TTC39B: variants seen among roughly 807,000 people sequenced by gnomAD.
The protein encoded by TTC39B is tetratricopeptide repeat protein 39B.
A neutral mutation model predicts 96.6 loss-of-function variants in TTC39B; 92 were observed. The ratio of observed to expected loss-of-function variants is 0.95; its 90% CI spans 0.80 to 1.13. The LOEUF is 1.13. TTC39B is among the 50% of genes most tolerant of loss of function. The pLI, the probability that TTC39B is intolerant of heterozygous loss-of-function variation, is 0.00. For missense variants in TTC39B, 955 were observed against 809.3 expected (o/e 1.18, Z -2.18); for synonymous variants, 367 against 299.4 (o/e 1.23, Z -2.33).
At chr9:15,294,546 T>C (rs558802897) in intron 1 of TTC39B, among the ~76,000 whole-genome samples, 1 of 152,280 alleles carries the variant, frequency 6.6e-6, no homozygotes, top group South Asian at 2.1e-4. Context: ...TATTAACACT[T>C]TTCAGTTTTA....
chr9:15,202,921 C>CTGTA, intron 7 of TTC39B, among the ~76,000 whole-genome samples: 1 of 152,188 alleles, frequency 6.6e-6, no homozygotes, highest in African/African-American at 2.4e-5. Context: ...AAGGTACTGA[C>CTGTA]TGTATCAGTT....
At chr9:15,210,121 G>C in exon 6 of TTC39B, 1 of 1,607,296 alleles carries the variant, frequency 6.2e-7, no homozygotes. Context: ...CCTCTAGAAA[G>C]AAGACTTGAG....
rs774983409 is a variant in TTC39B at position 15,203,808 on chromosome 9, C to G, written c.759+15G>C. The G allele has an allele frequency of 6.2e-7, 1 of 1,606,292 alleles. No homozygotes were observed. Among genetic ancestry groups the G allele is most frequent in the South Asian group, 1.1e-5 (1 of 89,580 alleles). On this transcript the variant is annotated intron_variant, in intron 7 of 19. Transcript: ENST00000512701. ...CTTCCCAGCCAATACGAATTCCAAG[C>G]CAAATATTCATTACCTGCACAAACG...
intron 1 of TTC39B, among the ~76,000 whole-genome samples, chr9:15,276,387 T>C (rs926043063): frequency 6.6e-6 from 1 of 152,160 alleles, no homozygotes; most frequent in African/African-American, 2.4e-5. Flanking sequence ...AAATTAGAGA[T>C]GCCCATAGCA....
intron 6 of TTC39B, among the ~76,000 whole-genome samples, chr9:15,205,496 GC>G (rs1819794229): frequency 6.6e-6 from 1 of 152,046 alleles, no homozygotes; most frequent in Non-Finnish European, 1.5e-5. Flanking sequence ...CACCTCTGCA[GC>G]TAAGGTCTTC....
At chr9:15,270,014 C>T (rs1000917675) in intron 1 of TTC39B, among the ~76,000 whole-genome samples, 1 of 151,784 alleles carries the variant, frequency 6.6e-6, no homozygotes, top group African/African-American at 2.4e-5. Flanking sequence ...ACTAAAAATA[C>T]AAAAATTAGC....
At chr9:15,293,134 GATACACAAATACC>G (rs1218237688) in intron 1 of TTC39B, among the ~76,000 whole-genome samples, 2 of 152,060 alleles carry the variant, frequency 1.3e-5, no homozygotes, top group African/African-American at 2.4e-5. Context: ...TCTATGTTTA[GATACACAAATACC>G]ATTGTGTTAT....
At chr9:15,274,143 T>G (rs1275429082) in intron 1 of TTC39B, among the ~76,000 whole-genome samples, 4 of 152,200 alleles carry the variant, frequency 2.6e-5, no homozygotes. Context: ...TATTAAAACT[T>G]GAATAAAGTA....
At chr9:15,218,149 A>G (rs1310752150) in intron 3 of TTC39B, among the ~76,000 whole-genome samples, 1 of 147,568 alleles carries the variant, frequency 6.8e-6, no homozygotes, top group Non-Finnish European at 1.5e-5. Flanking sequence ...CAGTCTGGCA[A>G]CAGAGCGAGA....
At chr9:15,262,755 G>A (rs1822989179) in intron 2 of TTC39B, among the ~76,000 whole-genome samples, 1 of 152,110 alleles carries the variant, frequency 6.6e-6, no homozygotes, top group African/African-American at 2.4e-5. Context: ...CTTTCATTAG[G>A]CATTCAAGAG....
intron 9 of TTC39B, among the ~76,000 whole-genome samples, chr9:15,192,182 G>T (rs1017307177): frequency 2.6e-5 from 4 of 152,144 alleles, no homozygotes; most frequent in African/African-American, 9.7e-5. Context: ...ATTGGAATTT[G>T]ACAGATTACT....
chr9:15,267,252 T>C (rs1823169337), intron 2 of TTC39B, among the ~76,000 whole-genome samples: 1 of 152,228 alleles, frequency 6.6e-6, no homozygotes, highest in South Asian at 2.1e-4. Flanking sequence ...TTATTGTTGA[T>C]TAAGCCACCC....
intron 16 of TTC39B, chr9:15,183,461 GTAC>G: frequency 4.6e-6 from 1 of 215,310 alleles, no homozygotes; most frequent in Non-Finnish European, 8.6e-6. Flanking sequence ...AAATTCCTAG[GTAC>G]AAAAAAAAAA....
chr9:15,181,177 G>A lies in TTC39B; in HGVS notation c.1723+1130C>T, dbSNP rs545278540. Among the ~76,000 whole-genome samples, 15 of 152,234 alleles carry A rather than the reference G, an allele frequency of 9.9e-5. No homozygotes were observed. In the East Asian group the frequency reaches 2.5e-3, roughly 25 times the overall value. ...AAATAGACAGTAGGCTGGGCTCCTG[G>A]AGTGCCCATCTTTTTACAGTTAACA... On this transcript the variant is annotated intron_variant, in intron 17 of 19. Transcript: ENST00000512701.
At chr9:15,247,506 CG>C in intron 2 of TTC39B, among the ~76,000 whole-genome samples, 1 of 152,234 alleles carries the variant, frequency 6.6e-6, no homozygotes, top group Admixed American at 6.5e-5. Flanking sequence ...CTGAACATGG[CG>C]GCCCTATAGG....
At chr9:15,210,603 C>G (rs906148011) in intron 5 of TTC39B, among the ~76,000 whole-genome samples, 2 of 152,146 alleles carry the variant, frequency 1.3e-5, no homozygotes, top group African/African-American at 4.8e-5. Flanking sequence ...ACCTTCTGCC[C>G]TAGTCCTATG....
At chr9:15,254,873 T>C (rs1586964448) in intron 2 of TTC39B, among the ~76,000 whole-genome samples, 2 of 69,704 alleles carry the variant, frequency 2.9e-5, no homozygotes, top group Admixed American at 1.3e-4. Flanking sequence ...ACACACACAC[T>C]TTTTTTTTTT....
intron 2 of TTC39B, among the ~76,000 whole-genome samples, chr9:15,257,826 G>A (rs1000781135): frequency 5.3e-5 from 8 of 151,840 alleles, no homozygotes; most frequent in Non-Finnish European, 7.4e-5. Context: ...TTGGGAGTCC[G>A]AGGTGGGTGG....
chr9:15,261,828 A>T (rs1269878749), intron 2 of TTC39B, among the ~76,000 whole-genome samples: 1 of 152,194 alleles, frequency 6.6e-6, no homozygotes, highest in African/African-American at 2.4e-5. Flanking sequence ...TTATCAACAG[A>T]TTTATTATAC....
Sources: allele counts gnomAD v4.1 joint callset (sites outside exome capture counted in the v4.1 genomes callset), GRCh38; gene constraint gnomAD v4.1.1; transcripts MANE v1.5; gene names NCBI Gene and HGNC (gene_info 2026-07-23, HGNC 2026-07-21).